The following LRRC28 variants were observed in gnomAD, a reference collection of about 807,000 sequenced individuals.
The protein encoded by LRRC28 is leucine-rich repeat-containing protein 28.
In LRRC28, 39 loss-of-function variants were observed where a neutral mutation model predicts 45.7. That is an observed-to-expected ratio of 0.85 (90% CI 0.66 to 1.12). The LOEUF (loss-of-function observed/expected upper bound fraction) is 1.12, where lower values mean the gene tolerates loss of function less well. Ranked by LOEUF, LRRC28 falls within the 50% of genes most tolerant of loss-of-function variation. The probability of loss-of-function intolerance (pLI) is 0.00; values close to 1 mark genes in which losing one functional copy is unlikely to be tolerated. For missense variants in LRRC28, 435 were observed against 438.5 expected (o/e 0.99, Z 0.07); for synonymous variants, 206 against 178.8 (o/e 1.15, Z -1.22).
intron 6 of LRRC28, among the ~76,000 whole-genome samples, chr15:99,343,698 A>G (rs1158355154): frequency 2.0e-5 from 3 of 152,160 alleles, no homozygotes; most frequent in Admixed American, 6.5e-5. Context: ...TGATGTATCT[A>G]TTGTAAGGTA....
intron 6 of LRRC28, among the ~76,000 whole-genome samples, chr15:99,347,459 G>A (rs1468435020): frequency 2.6e-5 from 4 of 152,100 alleles, no homozygotes; most frequent in Non-Finnish European, 4.4e-5. Context: ...TGCCCGCCTT[G>A]GCCTCCCAAA....
intron 5 of LRRC28, among the ~76,000 whole-genome samples, chr15:99,308,828 C>T (rs73473378): frequency 0.023 from 3,455 of 152,280 alleles, 128 homozygotes; most frequent in African/African-American, 0.078. Context: ...CAGCTTAGCT[C>T]GATCTGCTTA....
chr15:99,337,576 T>G (rs1956367300), intron 6 of LRRC28, among the ~76,000 whole-genome samples: 1 of 152,238 alleles, frequency 6.6e-6, no homozygotes. Flanking sequence ...TTCTTCTGTC[T>G]CTAGGTTTCT....
At chr15:99,373,216 T>A (rs1421987473) in intron 9 of LRRC28, among the ~76,000 whole-genome samples, 1 of 152,206 alleles carries the variant, frequency 6.6e-6, no homozygotes, top group Non-Finnish European at 1.5e-5. Context: ...AATTATCTTT[T>A]GCTCCTTGTG....
chr15:99,277,127 A>G (rs1032774289), intron 3 of LRRC28, among the ~76,000 whole-genome samples: 2 of 152,046 alleles, frequency 1.3e-5, no homozygotes, highest in Non-Finnish European at 2.9e-5. Flanking sequence ...TTAACTTACC[A>G]CTAAGGAAGA....
intron 2 of LRRC28, among the ~76,000 whole-genome samples, chr15:99,266,433 G>A (rs937614522): frequency 1.3e-5 from 2 of 151,860 alleles, no homozygotes; most frequent in Non-Finnish European, 1.5e-5. Context: ...GAGCCCAGGA[G>A]TTTGAGACCA....
At chr15:99,290,261 A>AAAAAAAAG (rs927981992) in intron 5 of LRRC28, among the ~76,000 whole-genome samples, 1 of 150,682 alleles carries the variant, frequency 6.6e-6, no homozygotes, top group Non-Finnish European at 1.5e-5. Flanking sequence ...CCTGCCTCAA[A>AAAAAAAAG]AAAAAAAGAA....
intron 2 of LRRC28, among the ~76,000 whole-genome samples, chr15:99,260,738 A>C (rs951880318): frequency 2.0e-5 from 3 of 152,250 alleles, no homozygotes; most frequent in African/African-American, 7.2e-5. Context: ...TAGTTCCTAA[A>C]GGAGAGTAGT....
chr15:99,296,978 G>C (rs1288987110), intron 5 of LRRC28, among the ~76,000 whole-genome samples: 2 of 151,978 alleles, frequency 1.3e-5, no homozygotes, highest in African/African-American at 4.8e-5. Flanking sequence ...CTAACAATCT[G>C]CCTCAGCTTG....
chr15:99,331,656 A>G (rs897860772), intron 5 of LRRC28, among the ~76,000 whole-genome samples: 4 of 151,850 alleles, frequency 2.6e-5, no homozygotes, highest in African/African-American at 9.7e-5. Flanking sequence ...TCTACCCAAT[A>G]TTTATTATCA....
rs573742021 is a variant in LRRC28, at chr15:99,287,350, A to G, written c.247+56A>G. 2.1e-4 allele frequency: 271 copies of G among 1,287,134 alleles called. 2 individuals carry two copies. The South Asian group carries it at 4.0e-3, about 19-fold the overall frequency. 79.7% of individuals were successfully genotyped at this position (1,287,134 alleles called of 1,614,324 possible). On this transcript the variant is annotated intron_variant, in intron 4 of 9. Transcript: ENST00000301981. The stretch of plus-strand genomic sequence containing the variant: ...GATAATATAATTTAAGCTTTGCTTT[A>G]TAAATAGATCAAATTTTATTTTTAA...
chr15:99,273,359 C>T (rs2081531855), intron 2 of LRRC28, among the ~76,000 whole-genome samples: 1 of 152,068 alleles, frequency 6.6e-6, no homozygotes, highest in Non-Finnish European at 1.5e-5. Flanking sequence ...GCCTCAGCCT[C>T]CTGAGTAGCT....
intron 1 of LRRC28, chr15:99,252,101 G>C (rs1379343274): frequency 6.6e-6 from 1 of 152,148 alleles, no homozygotes. Flanking sequence ...GTGTTCACCT[G>C]TCAGAAAGCT....
chr15:99,378,484 A>C (rs1361908769), intron 9 of LRRC28, among the ~76,000 whole-genome samples: 1 of 152,210 alleles, frequency 6.6e-6, no homozygotes, highest in Non-Finnish European at 1.5e-5. Context: ...GTCATCTGCA[A>C]ACAGGGACAG....
intron 5 of LRRC28, among the ~76,000 whole-genome samples, chr15:99,315,237 G>T (rs191249809): frequency 6.6e-6 from 1 of 152,224 alleles, no homozygotes; most frequent in African/African-American, 2.4e-5. Flanking sequence ...GGACAGCAGC[G>T]ATCAACAGAC....
intron 6 of LRRC28, among the ~76,000 whole-genome samples, chr15:99,336,791 G>A (rs1189642347): frequency 1.3e-5 from 2 of 152,090 alleles, no homozygotes; most frequent in African/African-American, 2.4e-5. Flanking sequence ...TCCATTGCCC[G>A]GCCCCTGCAA....
intron 1 of LRRC28, among the ~76,000 whole-genome samples, chr15:99,253,125 AT>A (rs3070451): frequency 4.0e-4 from 59 of 148,798 alleles, no homozygotes; most frequent in East Asian, 2.8e-3. Flanking sequence ...TAGGGAAGTG[AT>A]TTTTTTTTTT....
intron 2 of LRRC28, chr15:99,259,687 T>G: frequency 2.9e-6 from 4 of 1,385,516 alleles, no homozygotes; most frequent in Non-Finnish European, 4.1e-6. Flanking sequence ...ATCCCAGACA[T>G]CCGCTGATCA....
At chr15:99,348,112 T>G in intron 6 of LRRC28, among the ~76,000 whole-genome samples, 1 of 152,218 alleles carries the variant, frequency 6.6e-6, no homozygotes, top group South Asian at 2.1e-4. Context: ...TTGCCCATTA[T>G]TTAATTGAGT....
Sources: allele counts gnomAD v4.1 joint callset (sites outside exome capture counted in the v4.1 genomes callset), GRCh38; gene constraint gnomAD v4.1.1; transcripts MANE v1.5; gene names NCBI Gene and HGNC (gene_info 2026-07-23, HGNC 2026-07-21).